Variants in FANCA observed in about 807,000 individuals in gnomAD.
FANCA encodes the protein Fanconi anemia group A protein.
Under a neutral mutation model 194.3 loss-of-function variants are expected in FANCA, and 236 were observed. That is an observed-to-expected ratio of 1.21 (90% CI 1.09 to 1.35). The LOEUF is 1.35. Among genes scored for constraint, FANCA ranks in the 40% most tolerant of loss-of-function variants. The probability of loss-of-function intolerance (pLI) is 0.00; values close to 1 mark genes in which losing one functional copy is unlikely to be tolerated. For synonymous variants in FANCA, 1,014 were observed against 715.8 expected (o/e 1.42, Z -6.65); for missense variants, 2,628 against 1,813.9 (o/e 1.45, Z -8.15).
intron 30 of FANCA, among the ~76,000 whole-genome samples, chr16:89,758,142 C>A (rs1329171364): frequency 6.6e-6 from 1 of 152,178 alleles, no homozygotes; most frequent in African/African-American, 2.4e-5. Flanking sequence ...CAGGTGTGAG[C>A]CACCACGCCC....
chr16:89,786,883 C>G (rs990616132), intron 14 of FANCA, among the ~76,000 whole-genome samples: 2 of 152,164 alleles, frequency 1.3e-5, no homozygotes, highest in African/African-American at 4.8e-5. Context: ...GAAATTCTCC[C>G]GCCAAGCACA....
At chr16:89,781,040 C>T (rs1354581859) in intron 17 of FANCA, among the ~76,000 whole-genome samples, 2 of 152,034 alleles carry the variant, frequency 1.3e-5, no homozygotes, top group Admixed American at 1.3e-4. Flanking sequence ...TTCAGTAACT[C>T]GTAACTTTAA....
rs552536810 is a variant in FANCA at position 89,743,013 on chromosome 16, C to T, written c.3627-75G>A. The T allele has an allele frequency of 3.2e-6, 5 of 1,548,256 alleles. No homozygotes were observed. In the East Asian group the frequency reaches 6.8e-5, roughly 21 times the overall value. ...ACGCCATAGAAACCAAGTCCTTATT[C>T]CCACCTGTCACCTTTGGGGCCTGCC... On this transcript the variant is annotated intron_variant, in intron 36 of 42. Coordinates refer to ENST00000389301, the MANE Select transcript of FANCA (RefSeq NM_000135.4).
chr16:89,804,731 CATA>C (rs1420717577), intron 7 of FANCA, among the ~76,000 whole-genome samples: 2 of 152,118 alleles, frequency 1.3e-5, no homozygotes, highest in South Asian at 2.1e-4. Flanking sequence ...AAGTTTTTCT[CATA>C]ATATCATTCC....
intron 14 of FANCA, among the ~76,000 whole-genome samples, chr16:89,788,368 G>A (rs1334462815): frequency 6.6e-6 from 1 of 152,148 alleles, no homozygotes; most frequent in African/African-American, 2.4e-5. Flanking sequence ...GGCTGAAACA[G>A]GAGAATCGCT....
intron 6 of FANCA, 145 bp from the exon 7 acceptor site, chr16:89,805,537 C>CCAGGAGGCGGAGGTTGCAGTGAGCTGAG: frequency 1.5e-6 from 1 of 659,248 alleles, no homozygotes. Context: ...TCAGTCACTG[C>CCAGGAGGCGGAGGTTGCAGTGAGCTGAG]ACCCTCGACC....
chr16:89,807,367 T>G (rs952897452), intron 6 of FANCA, among the ~76,000 whole-genome samples: 4 of 150,758 alleles, frequency 2.7e-5, no homozygotes, highest in African/African-American at 9.8e-5. Flanking sequence ...AGGGGCAGAA[T>G]TGCTTGAATC....
rs2040093986 is a variant in FANCA, at chr16:89,792,039, C to G, written c.1113G>C (p.Leu371Phe). The change falls in exon 13 of 43, where the codon TTG becomes TTC. Residue 371 changes from leucine (L) to phenylalanine (F), a missense_variant. By Grantham distance (22) the Leu-to-Phe change is conservative. Transcript: ENST00000389301. ...RLFVMLSAEELVGHLQEVLET... is the reference protein window; with the variant it reads ...RLFVMLSAEEFVGHLQEVLET... ...CCAGAACTTCTTGCAAATGGCCAAC[C>G]AACTCCTCTGCACTCAGCATCACAA... The G allele has an allele frequency of 1.9e-6, 3 of 1,614,178 alleles. No individual in the cohort carries two copies. The highest frequency in any genetic ancestry group is 2.5e-6 in the Non-Finnish European group (3 of 1,180,028).
rs139996570 is a variant in FANCA, at chr16:89,804,380, C to A, written c.709+900G>T. Among the ~76,000 whole-genome samples the A allele has an allele frequency of 1.6e-3, 240 of 152,258 alleles. 1 individual carries two copies. Among genetic ancestry groups the A allele is most frequent in the African/African-American group, 5.1e-3 (212 of 41,556 alleles). On this transcript the variant is annotated intron_variant, in intron 7 of 42. Coordinates refer to ENST00000389301, the MANE Select transcript of FANCA (RefSeq NM_000135.4). ...TCACTCAAACACAGCAGGCAAAGAGCCAGAAAACGAGCTTCAATGCACCTT... is the reference window on the plus strand; with the variant it reads ...TCACTCAAACACAGCAGGCAAAGAGACAGAAAACGAGCTTCAATGCACCTT...
intron 33 of FANCA, among the ~76,000 whole-genome samples, chr16:89,747,937 G>A (rs1401256456): frequency 6.6e-6 from 1 of 151,830 alleles, no homozygotes; most frequent in East Asian, 1.9e-4. Context: ...TTTGAGACAA[G>A]AGTTTCGCTC....
chr16:89,746,710 G>A (rs758879250), intron 34 of FANCA, 22 bp from the exon 35 acceptor site: 2 of 1,611,816 alleles, frequency 1.2e-6, no homozygotes, highest in East Asian at 2.2e-5. Context: ...AACGCAGCAG[G>A]AGGTCAGCGG....
intron 28 of FANCA, among the ~76,000 whole-genome samples, chr16:89,764,196 T>G (rs1249808279): frequency 1.3e-5 from 2 of 152,152 alleles, no homozygotes; most frequent in African/African-American, 4.8e-5. Context: ...GAGCCAAGAC[T>G]GCACCACTGA....
At position 89,738,984 on chromosome 16, in the gene FANCA, A is replaced by C; in HGVS notation, c.4168-10T>G. 6.2e-7 allele frequency: 1 copy of C among 1,614,208 alleles called. No individual in the cohort carries two copies. Among genetic ancestry groups the C allele is most frequent in the Non-Finnish European group, 8.5e-7 (1 of 1,180,026 alleles). ...GTTCCACGGGGTTGCCCTAGAGAGA[A>C]AACAGGCAAACTCACAGGTTAGAAG... On this transcript the variant is annotated splice_polypyrimidine_tract_variant and intron_variant, in intron 41 of 42. Coordinates refer to ENST00000389301, the MANE Select transcript of FANCA (RefSeq NM_000135.4).
At chr16:89,784,398 CA>C (rs140174501) in intron 15 of FANCA, among the ~76,000 whole-genome samples, 2 of 81,806 alleles carry the variant, frequency 2.4e-5, no homozygotes, top group African/African-American at 4.1e-5. Flanking sequence ...AACAAAAAAA[CA>C]AAAAAAAAAC....
chr16:89,739,127 A>G lies in FANCA; in HGVS notation c.4167+6T>C, dbSNP rs1425600223. On this transcript the variant is annotated splice_donor_region_variant and intron_variant, in intron 41 of 42. Coordinates refer to ENST00000389301, the MANE Select transcript of FANCA (RefSeq NM_000135.4). ...CCCTGGAGGTGGGACTGGCCCTTGC[A>G]CCTGCCTGACCCTTGAGCTCCAGGC... The G allele has an allele frequency of 6.2e-7, 1 of 1,614,084 alleles. No individual in the cohort carries two copies.
At chr16:89,766,647 G>A (rs1237413623) in intron 27 of FANCA, among the ~76,000 whole-genome samples, 2 of 151,870 alleles carry the variant, frequency 1.3e-5, no homozygotes, top group African/African-American at 2.4e-5. Flanking sequence ...CCCGGGAGGT[G>A]GAGGTTGCAG....
chr16:89,744,212 G>A (rs970886594), intron 36 of FANCA, among the ~76,000 whole-genome samples: 1 of 152,210 alleles, frequency 6.6e-6, no homozygotes, highest in Non-Finnish European at 1.5e-5. Context: ...TCTTCTTTCA[G>A]CAGACGGCGA....
At chr16:89,792,205 A>G (rs2040100368) in intron 12 of FANCA, 137 bp from the exon 13 acceptor site, 1 of 1,073,348 alleles carries the variant, frequency 9.3e-7, no homozygotes. Flanking sequence ...GAGCTGTGAC[A>G]GCTCACACCG....
Position 89,796,021 on chromosome 16 carries a change from G to A in FANCA, c.894-3C>T, listed in dbSNP as rs2040234388. 4 of 1,611,844 alleles carry A rather than the reference G, an allele frequency of 2.5e-6. No individual in the cohort carries two copies. The highest frequency in any genetic ancestry group is 1.7e-5 in the Admixed American group (1 of 60,020). ...TGTGTCCACTGAACACTCCGAACCT[G>A]CCAATGCAGCAGAAAGAGGGGTCAG... On this transcript the variant is annotated splice_region_variant and splice_polypyrimidine_tract_variant and intron_variant, in intron 10 of 42. Transcript: ENST00000389301.
Sources: allele counts gnomAD v4.1 joint callset (sites outside exome capture counted in the v4.1 genomes callset), GRCh38; gene constraint gnomAD v4.1.1; transcripts MANE v1.5; gene names NCBI Gene and HGNC (gene_info 2026-07-23, HGNC 2026-07-21).